The following MTMR11 variants were observed in gnomAD, a reference collection of about 807,000 sequenced individuals.
MTMR11 encodes the protein myotubularin-related protein 11.
In MTMR11, 89 loss-of-function variants were observed where a neutral mutation model predicts 100.0. That is an observed-to-expected ratio of 0.89 (90% CI 0.75 to 1.06). The LOEUF (loss-of-function observed/expected upper bound fraction) is 1.06. Among genes scored for constraint, MTMR11 ranks in the 50% least tolerant of loss-of-function variants. The probability of loss-of-function intolerance (pLI) is 0.00; values close to 1 mark genes in which losing one functional copy is unlikely to be tolerated. For synonymous variants in MTMR11, 336 were observed against 326.3 expected, an observed-to-expected ratio of 1.03 and a Z score of -0.32; for missense variants, 809 against 873.7, an observed-to-expected ratio of 0.93 and a Z score of 0.93.
rs782353341 is a variant in MTMR11, at chr1:149,934,493, T to C, written c.502A>G (p.Ser168Gly). Residue 168 changes from serine (S) to glycine (G), a missense_variant, in exon 6 of 17, where the codon AGC becomes GGC. Transcript: ENST00000439741. ...TMAIVQARAQ[S>G]NQAQQYSGIT... ...CCCGAATACTGTTGGGCTTGATTGC[T>C]CTGAGCTCTGGCTTGGACAATGGCC... 8 of 1,614,110 alleles carry C rather than the reference T, an allele frequency of 5.0e-6. No individual in the cohort carries two copies. The highest frequency in any genetic ancestry group is 6.8e-6 in the Non-Finnish European group (8 of 1,180,050).
At chr1:149,933,162 G>A (rs1023081120) in intron 10 of MTMR11, among the ~76,000 whole-genome samples, 1 of 151,862 alleles carries the variant, frequency 6.6e-6, no homozygotes, top group Non-Finnish European at 1.5e-5. Flanking sequence ...CACCATGTTG[G>A]CCAGGTTGGT....
At chr1:149,934,347 A>G (rs2092698421) in intron 6 of MTMR11, 21 bp from the exon 7 acceptor site, 1 of 1,614,110 alleles carries the variant, frequency 6.2e-7, no homozygotes, top group Non-Finnish European at 8.5e-7. Context: ...AGTGAGACAT[A>G]GAGGAGGAAG....
intron 1 of MTMR11, 115 bp from the exon 2 acceptor site, chr1:149,936,344 T>C (rs1157431658): frequency 1.1e-5 from 16 of 1,519,486 alleles, no homozygotes; most frequent in Non-Finnish European, 1.4e-5. Flanking sequence ...CTGAGATCAG[T>C]GTCTGTGGGG....
At position 149,932,289 on chromosome 1, in the gene MTMR11, C is replaced by T. The variant is rs781783651; in HGVS notation, c.1027G>A (p.Gly343Arg). 5.0e-6 allele frequency: 8 copies of T among 1,614,096 alleles called. No homozygotes were observed. Among genetic ancestry groups the T allele is most frequent in the Non-Finnish European group, 6.8e-6 (8 of 1,179,938 alleles). Residue 343 changes from glycine (G) to arginine (R), a missense_variant, in exon 11 of 17, where the codon GGA (glycine) becomes AGA (arginine). By Grantham distance (125) the Gly-to-Arg change is moderately radical. Coordinates refer to ENST00000439741, the MANE Select transcript of MTMR11 (RefSeq NM_001145862.2). ...AEDKWLSALE[G>R]TRWLDYVRAC... ...CTGACATAGTCCAGCCATCGTGTTC[C>T]TTCCAGGGCTGAAAGCCATTTATCC...
At position 149,936,706 on chromosome 1, in the gene MTMR11, C is replaced by T; in HGVS notation, c.-59G>A. 1 of 1,166,390 alleles carries T rather than the reference C, an allele frequency of 8.6e-7. No homozygotes were observed. The highest frequency in any genetic ancestry group is 1.3e-5 in the South Asian group (1 of 76,546). 72.3% of individuals were successfully genotyped at this position (1,166,390 alleles called of 1,614,324 possible). A position where few individuals can be genotyped will look rare whatever the true frequency, so the allele number is the denominator to read the frequency against. ...GGGTGGGAAACCTCAAGGATGCTCA[C>T]CCACCTCGGGGAGAGGCTGAGTCTT... On this transcript the variant is annotated 5_prime_UTR_variant, in exon 1 of 17. In the 5' UTR this introduces an upstream ATG that the reference lacks. Transcript: ENST00000439741.
Position 149,928,799 on chromosome 1 carries a change from G to A in MTMR11, c.*330C>T, listed in dbSNP as rs1571532334. The A allele has an allele frequency of 7.0e-7, 1 of 1,432,564 alleles. No individual in the cohort carries two copies. Among genetic ancestry groups the A allele is most frequent in the Non-Finnish European group, 9.8e-7 (1 of 1,016,036 alleles). The allele number at this position is 1,432,564 out of a possible 1,614,324, so 88.7% of individuals were successfully genotyped here. A position where few individuals can be genotyped will look rare whatever the true frequency, so the allele number is the denominator to read the frequency against. On this transcript the variant is annotated 3_prime_UTR_variant, in exon 17 of 17. Coordinates refer to ENST00000439741, the MANE Select transcript of MTMR11 (RefSeq NM_001145862.2). ...AACTTGGAATTAAAGCAGCAGCAAG[G>A]CGAGGTGAGAATGCGATTTCTAGGC...
Position 149,931,306 on chromosome 1 carries a change from C to T in MTMR11, c.1244G>A (p.Gly415Glu). Residue 415 changes from glycine to glutamate, a missense_variant, in exon 13 of 17, where the codon GGA becomes GAA. Physicochemically the swap from Gly to Glu is moderately conservative, Grantham distance 98. Transcript: ENST00000439741. ...SLVQREWVAAGHPFLTRLGGT... is the reference protein window; with the variant it reads ...SLVQREWVAAEHPFLTRLGGT... ...CCCAAGCCGAGTCAGGAAGGGATGTCCAGCTGCCACCCACTCTCGCTGTAC... is the reference window on the plus strand; with the variant it reads ...CCCAAGCCGAGTCAGGAAGGGATGTTCAGCTGCCACCCACTCTCGCTGTAC... 6.2e-7 allele frequency: 1 copy of T among 1,614,072 alleles called. No individual in the cohort carries two copies. Among genetic ancestry groups the T allele is most frequent in the South Asian group, 1.1e-5 (1 of 91,076 alleles).
rs2092644688 is a variant in MTMR11, at chr1:149,930,546, A to C, written c.1466T>G (p.Leu489Ter). 6.2e-7 allele frequency: 1 copy of C among 1,609,122 alleles called. No homozygotes were observed. Among genetic ancestry groups the C allele is most frequent in the Non-Finnish European group, 8.5e-7 (1 of 1,177,154 alleles). The change falls in exon 15 of 17, where the codon TTA becomes TGA. Residue 489 changes from leucine to a stop codon, truncating the protein, a stop_gained and splice_region_variant. Transcript: ENST00000439741. LOFTEE classifies it high-confidence loss of function. ...PWERGKQSGQ[L>*]NSYTQVYTPG... ...GGTGTAGACTTGTGTATAGGAGTTT[A>C]ACTGGACAGAGGAAGCAAGAAAAAG...
In MTMR11 at chr1:149,935,638, C is replaced by T. The variant is rs1033248674; in HGVS notation, c.210G>A (p.Leu70=). The change falls in exon 3 of 17, where the codon CTG becomes CTA. Residue 70 remains leucine, a synonymous_variant. Coordinates refer to ENST00000439741, the MANE Select transcript of MTMR11 (RefSeq NM_001145862.2). ...AGGTGACCCTAAAGTTGGTACAGAT[C>T]AGGGTTCCAGACAATTCTGGTTCCA... The part of the protein sequence containing the change: ...KGLEPELSGT[L]ICTNFRVTFQ... 1.2e-6 allele frequency: 2 copies of T among 1,614,108 alleles called. No individual in the cohort carries two copies. Among genetic ancestry groups the T allele is most frequent in the African/African-American group, 2.7e-5 (2 of 75,020 alleles).
At chr1:149,930,580 C>T in intron 14 of MTMR11, 33 bp from the exon 15 acceptor site, 2 of 1,545,398 alleles carry the variant, frequency 1.3e-6, no homozygotes, top group Admixed American at 1.7e-5. Flanking sequence ...AGGATGGTTA[C>T]ACACAATCCT....
Position 149,929,136 on chromosome 1 carries a change from A to C in MTMR11, c.2123T>G (p.Leu708Arg), listed in dbSNP as rs1385464282. Residue 708 changes from leucine (L) to arginine (R), a missense_variant, in exon 17 of 17, where the codon CTG (leucine) becomes CGG (arginine). Transcript: ENST00000439741. ...ATTAGACAGAACCCTCCTCTACCCCAGATCCCCCTCTGCCCTGCCTTTGAG... is the reference window on the plus strand; with the variant it reads ...ATTAGACAGAACCCTCCTCTACCCCCGATCCCCCTCTGCCCTGCCTTTGAG... ...GILKGRAEGD[L>R]G 2 of 1,610,856 alleles carry C rather than the reference A, an allele frequency of 1.2e-6. No homozygotes were observed. The highest frequency in any genetic ancestry group is 1.6e-4 in the Middle Eastern group (1 of 6,064).
intron 7 of MTMR11, 73 bp from the exon 8 acceptor site, chr1:149,934,015 G>A: frequency 1.9e-6 from 3 of 1,550,766 alleles, no homozygotes; most frequent in Non-Finnish European, 2.7e-6. Context: ...TTACAAGGAA[G>A]CTGCTTCAGA....
At chr1:149,934,730 T>C (rs1310471136) in intron 5 of MTMR11, among the ~76,000 whole-genome samples, 1 of 152,160 alleles carries the variant, frequency 6.6e-6, no homozygotes, top group Non-Finnish European at 1.5e-5. Flanking sequence ...GAATGATGAT[T>C]CTGGGAGGAA....
chr1:149,935,430 C>T, intron 3 of MTMR11, 71 bp from the exon 4 acceptor site: 1 of 1,592,864 alleles, frequency 6.3e-7, no homozygotes, highest in Non-Finnish European at 8.6e-7. Context: ...GCCCCAACCC[C>T]TTCTAGGGGG....
chr1:149,932,236 A>G, intron 11 of MTMR11, 28 bp downstream of exon 11: 1 of 1,607,776 alleles, frequency 6.2e-7, no homozygotes, highest in Non-Finnish European at 8.5e-7. Context: ...TGAATTATAA[A>G]TGATGGCTAG....
At chr1:149,929,959 A>C (rs782729262) in intron 15 of MTMR11, 43 bp from the exon 16 acceptor site, 1 of 1,573,138 alleles carries the variant, frequency 6.4e-7, no homozygotes, top group South Asian at 1.2e-5. Context: ...GAGACCAGAT[A>C]ACCCTAGTTT....
At chr1:149,931,843 G>A (rs1553767718) in intron 12 of MTMR11, 101 bp downstream of exon 12, 1 of 1,040,744 alleles carries the variant, frequency 9.6e-7, no homozygotes, top group Non-Finnish European at 1.5e-6. Flanking sequence ...CCAGGAACAG[G>A]AGAGGAAGAA....
chr1:149,933,092 A>G (rs1309643193), intron 10 of MTMR11, among the ~76,000 whole-genome samples: 16 of 151,460 alleles, frequency 1.1e-4, no homozygotes, highest in African/African-American at 3.9e-4. Flanking sequence ...GATTACAGGC[A>G]TCGGCCACCA....
At chr1:149,933,100 C>T (rs1365115787) in intron 10 of MTMR11, among the ~76,000 whole-genome samples, 1 of 151,766 alleles carries the variant, frequency 6.6e-6, no homozygotes, top group Admixed American at 6.6e-5. Flanking sequence ...GCATCGGCCA[C>T]CACACCCAGC....
Sources: allele counts gnomAD v4.1 joint callset (sites outside exome capture counted in the v4.1 genomes callset), GRCh38; gene constraint gnomAD v4.1.1; transcripts MANE v1.5; gene names NCBI Gene and HGNC (gene_info 2026-07-23, HGNC 2026-07-21).